Variants in CSMD1 observed in about 807,000 individuals in gnomAD.
CSMD1 encodes CUB and sushi domain-containing protein 1.
Under a neutral mutation model 417.5 loss-of-function variants are expected in CSMD1, and 213 were observed. The observed-to-expected ratio is 0.51, with a 90% CI of 0.46 to 0.57. The LOEUF is 0.57. CSMD1 is among the 20% of genes least tolerant of loss of function. CSMD1 has a pLI of 0.00. For synonymous variants in CSMD1, 2,862 were observed against 1,736.8 expected (o/e 1.65, Z -16.11); for missense variants, 6,923 against 4,529.7 (o/e 1.53, Z -15.17).
At chr8:3,709,297 G>C (rs1220869167) in intron 6 of CSMD1, among the ~76,000 whole-genome samples, 2 of 152,094 alleles carry the variant, frequency 1.3e-5, no homozygotes, top group Non-Finnish European at 2.9e-5. Context: ...CCCCATATGA[G>C]ACTGGACCTA....
At chr8:4,002,406 CCTAA>C (rs904185876) in intron 4 of CSMD1, among the ~76,000 whole-genome samples, 4 of 152,208 alleles carry the variant, frequency 2.6e-5, no homozygotes, top group Admixed American at 6.5e-5. Context: ...AGAAGAGCTA[CCTAA>C]CTAATATGTT....
intron 26 of CSMD1, among the ~76,000 whole-genome samples, chr8:3,230,577 A>G (rs1025186681): frequency 6.6e-6 from 1 of 152,180 alleles, no homozygotes; most frequent in Non-Finnish European, 1.5e-5. Flanking sequence ...GAAACCCCAT[A>G]CTGCAAATTA....
intron 2 of CSMD1, among the ~76,000 whole-genome samples, chr8:4,544,247 C>T (rs1797539112): frequency 6.6e-6 from 1 of 152,086 alleles, no homozygotes; most frequent in Non-Finnish European, 1.5e-5. Context: ...TATAGTCTCG[C>T]ATTTCATATT....
At chr8:3,472,486 T>C (rs1034293613) in intron 11 of CSMD1, among the ~76,000 whole-genome samples, 10 of 152,160 alleles carry the variant, frequency 6.6e-5, no homozygotes, top group Non-Finnish European at 1.5e-4. Context: ...CTGTCCCATC[T>C]CTGACAAAAC....
chr8:4,109,647 T>C (rs1801749598), intron 3 of CSMD1, among the ~76,000 whole-genome samples: 1 of 152,280 alleles, frequency 6.6e-6, no homozygotes, highest in South Asian at 2.1e-4. Context: ...ATTGGCAACC[T>C]TGTAAGTTTG....
chr8:4,124,510 G>A (rs1439206145), intron 3 of CSMD1, among the ~76,000 whole-genome samples: 2 of 152,184 alleles, frequency 1.3e-5, no homozygotes, highest in Non-Finnish European at 2.9e-5. Context: ...CCCCTTGAGT[G>A]TGTCTTCAAG....
intron 7 of CSMD1, among the ~76,000 whole-genome samples, chr8:3,632,575 A>G (rs1165030449): frequency 2.6e-5 from 4 of 152,236 alleles, no homozygotes; most frequent in Non-Finnish European, 5.9e-5. Flanking sequence ...AAAATTGCAT[A>G]AAGATGATGA....
chr8:3,885,415 C>T (rs545965153), intron 5 of CSMD1, among the ~76,000 whole-genome samples: 1 of 152,154 alleles, frequency 6.6e-6, no homozygotes, highest in Non-Finnish European at 1.5e-5. Flanking sequence ...AGGACAATAT[C>T]CCATCACAGG....
intron 50 of CSMD1, among the ~76,000 whole-genome samples, chr8:3,031,217 C>A (rs567950684): frequency 0.043 from 6,387 of 149,302 alleles, 462 homozygotes; most frequent in African/African-American, 0.15. Flanking sequence ...TTAATTTCAC[C>A]AAAAACATGC....
At chr8:2,968,871 A>T (rs1187256352) in intron 57 of CSMD1, among the ~76,000 whole-genome samples, 1 of 152,184 alleles carries the variant, frequency 6.6e-6, no homozygotes, top group African/African-American at 2.4e-5. Context: ...ATGCTTTTAT[A>T]AAAAGTACAT....
chr8:3,506,248 G>C (rs1009664419), intron 10 of CSMD1, among the ~76,000 whole-genome samples: 2 of 152,136 alleles, frequency 1.3e-5, no homozygotes, highest in South Asian at 2.1e-4. Flanking sequence ...GGTGAGCCAG[G>C]CTCTATGTCT....
chr8:4,198,867 T>C (rs900436142), intron 3 of CSMD1, among the ~76,000 whole-genome samples: 2 of 152,178 alleles, frequency 1.3e-5, no homozygotes, highest in African/African-American at 4.8e-5. Flanking sequence ...TATCACGTAT[T>C]TCCCCTTCCT....
intron 11 of CSMD1, 106 bp downstream of exon 11, chr8:3,493,517 G>A (rs748380254): frequency 9.2e-6 from 8 of 868,320 alleles, no homozygotes; most frequent in Non-Finnish European, 1.4e-5. Flanking sequence ...ATGGCACTAA[G>A]CAAACACCTG....
At chr8:4,637,969 C>T (rs1802942266) in intron 1 of CSMD1, among the ~76,000 whole-genome samples, 1 of 152,104 alleles carries the variant, frequency 6.6e-6, no homozygotes, top group Admixed American at 6.5e-5. Flanking sequence ...CGCGCCCGGC[C>T]TAGCCAATTT....
intron 3 of CSMD1, among the ~76,000 whole-genome samples, chr8:4,384,040 G>C (rs564682350): frequency 2.0e-5 from 2 of 98,728 alleles, no homozygotes; most frequent in Admixed American, 1.0e-4. Context: ...ACAGATGTTT[G>C]GTCTTGTTCA....
At chr8:3,098,729 G>C (rs1187379186) in intron 46 of CSMD1, among the ~76,000 whole-genome samples, 1 of 152,132 alleles carries the variant, frequency 6.6e-6, no homozygotes, top group African/African-American at 2.4e-5. Context: ...TAGGGTCCGT[G>C]CCTGTGTATA....
At chr8:3,593,272 G>C (rs781442570) in intron 8 of CSMD1, among the ~76,000 whole-genome samples, 1 of 152,212 alleles carries the variant, frequency 6.6e-6, no homozygotes. Context: ...GTGTGTTCAG[G>C]AGTAATGCAG....
At chr8:4,526,008 G>C (rs1796495289) in intron 2 of CSMD1, among the ~76,000 whole-genome samples, 1 of 152,126 alleles carries the variant, frequency 6.6e-6, no homozygotes, top group Non-Finnish European at 1.5e-5. Context: ...GGGGAGCTCT[G>C]TTTCAGCTCT....
intron 1 of CSMD1, among the ~76,000 whole-genome samples, chr8:4,830,558 C>A (rs1233882290): frequency 6.6e-6 from 1 of 152,170 alleles, no homozygotes; most frequent in African/African-American, 2.4e-5. Context: ...CAAGAGGAGA[C>A]ATCATAAGCC....
Sources: allele counts gnomAD v4.1 joint callset (sites outside exome capture counted in the v4.1 genomes callset), GRCh38; gene constraint gnomAD v4.1.1; transcripts MANE v1.5; gene names NCBI Gene and HGNC (gene_info 2026-07-23, HGNC 2026-07-21).